The following UGT2A1 variants were observed in gnomAD, a reference collection of about 807,000 sequenced individuals.
The protein encoded by UGT2A1 is UDP-glucuronosyltransferase 2A1.
Under a neutral mutation model 45.4 loss-of-function variants are expected in UGT2A1, and 61 were observed. That is an observed-to-expected ratio of 1.34 (90% CI 1.09 to 1.66). The LOEUF (loss-of-function observed/expected upper bound fraction) is 1.66, where lower values mean the gene tolerates loss of function less well. Ranked by LOEUF, UGT2A1 falls within the 40% of genes most tolerant of loss-of-function variation. UGT2A1 has a pLI of 0.00. For missense variants in UGT2A1, 649 were observed against 574.3 expected (o/e 1.13, Z -1.33); for synonymous variants, 229 against 196.2 (o/e 1.17, Z -1.40).
chr4:69,637,285 A>G (rs938168178), intron 2 of UGT2A1, among the ~76,000 whole-genome samples: 7 of 152,164 alleles, frequency 4.6e-5, no homozygotes, highest in African/African-American at 1.7e-4. Context: ...CATATGTTTT[A>G]TATGTGGTAT....
intron 3 of UGT2A1, among the ~76,000 whole-genome samples, chr4:69,629,732 TG>T (rs1258340413): frequency 1.3e-5 from 2 of 152,078 alleles, no homozygotes; most frequent in Admixed American, 1.3e-4. Context: ...TGATCTTTTC[TG>T]GGCTACCCTT....
chr4:69,652,737 A>C (rs1722599129), intron 1 of UGT2A1, among the ~76,000 whole-genome samples: 1 of 152,216 alleles, frequency 6.6e-6, no homozygotes. Flanking sequence ...ATGACATCTC[A>C]CATCCTCTCA....
intron 6 of UGT2A1, among the ~76,000 whole-genome samples, chr4:69,593,722 T>C (rs1267173068): frequency 6.6e-6 from 1 of 151,776 alleles, no homozygotes; most frequent in Non-Finnish European, 1.5e-5. Flanking sequence ...CTATATCTTT[T>C]CTCTCTGTGT....
Position 69,624,618 on chromosome 4 carries a change from C to G in UGT2A1, c.847+11073G>C, listed in dbSNP as rs1012683331. 2.7e-5 allele frequency among the ~76,000 whole-genome samples: 4 copies of G among 150,340 alleles called. No homozygotes were observed. The Admixed American group carries it at 2.7e-4, about 10-fold the overall frequency. On this transcript the variant is annotated intron_variant, in intron 3 of 6. Transcript: ENST00000286604. ...GATTTTTTTTAGCTTATTAAATATT[C>G]TTTTTTTGCTCTACCTTTGTTGTGG...
At chr4:69,590,040 C>G (rs1718499606) in intron 6 of UGT2A1, among the ~76,000 whole-genome samples, 1 of 152,182 alleles carries the variant, frequency 6.6e-6, no homozygotes, top group Non-Finnish European at 1.5e-5. Context: ...AACATATCCT[C>G]TAGTGTCTGG....
At chr4:69,593,967 C>CTTTTTTTTTTTTTT (rs200066453) in intron 6 of UGT2A1, among the ~76,000 whole-genome samples, 3 of 107,816 alleles carry the variant, frequency 2.8e-5, no homozygotes, top group African/African-American at 1.0e-4. Context: ...TATTTGAAGT[C>CTTTTTTTTTTTTTT]TTTTTTTTTG....
At chr4:69,632,951 C>A (rs1261850540) in intron 3 of UGT2A1, among the ~76,000 whole-genome samples, 1 of 151,488 alleles carries the variant, frequency 6.6e-6, no homozygotes, top group Non-Finnish European at 1.5e-5. Flanking sequence ...ATACGTTATG[C>A]ACTAGAGATT....
At chr4:69,599,451 G>T in intron 3 of UGT2A1, 57 bp from the exon 4 acceptor site, 1 of 1,572,608 alleles carries the variant, frequency 6.4e-7, no homozygotes, top group South Asian at 1.2e-5. Flanking sequence ...TTGCTGAGGA[G>T]AAAAAAAAGC....
chr4:69,634,167 C>T (rs1407620649), intron 3 of UGT2A1, among the ~76,000 whole-genome samples: 5 of 152,024 alleles, frequency 3.3e-5, no homozygotes, highest in Admixed American at 3.3e-4. Context: ...ATGGCGTGAA[C>T]CCGGGAGGCG....
intron 3 of UGT2A1, among the ~76,000 whole-genome samples, chr4:69,618,281 T>C (rs1171475734): frequency 6.6e-6 from 1 of 151,024 alleles, no homozygotes; most frequent in South Asian, 2.1e-4. Flanking sequence ...ATTTGGTAAG[T>C]CTGGTTACAG....
At chr4:69,641,739 T>G (rs1022067635) in intron 2 of UGT2A1, among the ~76,000 whole-genome samples, 3 of 151,892 alleles carry the variant, frequency 2.0e-5, no homozygotes, top group African/African-American at 7.2e-5. Flanking sequence ...GAATTGTAAC[T>G]AGGCAAGTTA....
rs965206800 is a variant in UGT2A1, at chr4:69,650,243, T to C, written c.-54-2545A>G. Among the ~76,000 whole-genome samples the C allele has an allele frequency of 2.6e-5, 4 of 152,050 alleles. No individual in the cohort carries two copies. The East Asian group carries it at 5.8e-4, about 22-fold the overall frequency. ...TGACCCTGGGCTGCTTCACTATGTGTTTATTGGGTACCTACTATTCACACA... is the reference window on the plus strand; with the variant it reads ...TGACCCTGGGCTGCTTCACTATGTGCTTATTGGGTACCTACTATTCACACA... On this transcript the variant is annotated intron_variant, in intron 1 of 6. Transcript: ENST00000286604.
intron 3 of UGT2A1, among the ~76,000 whole-genome samples, chr4:69,628,054 T>C (rs1372796063): frequency 6.6e-6 from 1 of 151,944 alleles, no homozygotes; most frequent in Admixed American, 6.6e-5. Context: ...TTGCTTTTGG[T>C]GTTATATCCA....
At chr4:69,604,773 A>C (rs1281901957) in intron 3 of UGT2A1, among the ~76,000 whole-genome samples, 1 of 136,594 alleles carries the variant, frequency 7.3e-6, no homozygotes, top group Non-Finnish European at 1.6e-5. Context: ...TTGCAATCCT[A>C]GTCTCTGATA....
intron 6 of UGT2A1, among the ~76,000 whole-genome samples, chr4:69,590,552 G>A (rs1043960822): frequency 6.6e-6 from 1 of 152,016 alleles, no homozygotes; most frequent in African/African-American, 2.4e-5. Flanking sequence ...GACATTGTTA[G>A]GACTGGGGAA....
At chr4:69,590,814 C>A (rs1560464477) in intron 6 of UGT2A1, among the ~76,000 whole-genome samples, 1 of 151,976 alleles carries the variant, frequency 6.6e-6, no homozygotes, top group African/African-American at 2.4e-5. Flanking sequence ...GGGACAAAGA[C>A]CATGCTCATA....
intron 3 of UGT2A1, among the ~76,000 whole-genome samples, chr4:69,613,688 T>C (rs1021472738): frequency 2.0e-5 from 3 of 152,046 alleles, no homozygotes; most frequent in African/African-American, 7.2e-5. Context: ...AATCAATAAA[T>C]GTGATACATC....
chr4:69,626,971 C>T (rs1721096110), intron 3 of UGT2A1, among the ~76,000 whole-genome samples: 1 of 151,584 alleles, frequency 6.6e-6, no homozygotes, highest in African/African-American at 2.4e-5. Context: ...TTTTCGCTGC[C>T]TCAAACTTAA....
chr4:69,615,738 A>G (rs1720340428), intron 3 of UGT2A1, among the ~76,000 whole-genome samples: 1 of 151,986 alleles, frequency 6.6e-6, no homozygotes, highest in African/African-American at 2.4e-5. Flanking sequence ...ACAAACAGAC[A>G]GACAAAAAAA....
Sources: allele counts gnomAD v4.1 joint callset (sites outside exome capture counted in the v4.1 genomes callset), GRCh38; gene constraint gnomAD v4.1.1; transcripts MANE v1.5; gene names NCBI Gene and HGNC (gene_info 2026-07-23, HGNC 2026-07-21).